STC2: variants seen among roughly 807,000 people sequenced by gnomAD.
STC2 encodes stanniocalcin 2.
STC2 carries 7 observed loss-of-function variants against 22.7 expected under a neutral mutation model. That is an observed-to-expected ratio of 0.31 (90% CI 0.18 to 0.58). The LOEUF (loss-of-function observed/expected upper bound fraction) is 0.58. STC2 is among the 20% of genes least tolerant of loss of function. The probability of loss-of-function intolerance (pLI) is 0.89; values close to 1 mark genes in which losing one functional copy is unlikely to be tolerated. For missense variants in STC2, 336 were observed against 406.2 expected, an observed-to-expected ratio of 0.83 and a Z score of 1.48; for synonymous variants, 158 against 163.4, an observed-to-expected ratio of 0.97 and a Z score of 0.25.
chr5:173,315,423 AAC>A lies in STC2; in HGVS notation c.*2422_*2423del, dbSNP rs1368054824. The A allele has an allele frequency of 1.3e-5, 2 of 152,250 alleles. No homozygotes were observed. Among genetic ancestry groups the A allele is most frequent in the African/African-American group, 4.8e-5 (2 of 41,464 alleles). 9.4% of individuals were successfully genotyped at this position (152,250 alleles called of 1,614,324 possible). A position where few individuals can be genotyped will look rare whatever the true frequency, so the allele number is the denominator to read the frequency against. On this transcript the variant is annotated 3_prime_UTR_variant, in exon 4 of 4. Coordinates refer to ENST00000265087, the MANE Select transcript of STC2 (RefSeq NM_003714.3). ...CAAAGCAGTGGCATGAAAAATATAC[AAC>A]AGAGATCAGTAAATGGGTTCAAATG...
At chr5:173,324,600 T>G (rs897085677) in intron 2 of STC2, among the ~76,000 whole-genome samples, 2 of 152,200 alleles carry the variant, frequency 1.3e-5, no homozygotes, top group Non-Finnish European at 2.9e-5. Context: ...CCAAACAGAA[T>G]GGAGGGCAGG....
chr5:173,328,026 G>A lies in STC2; in HGVS notation c.151+17C>T. The A allele has an allele frequency of 6.8e-7, 1 of 1,471,328 alleles. No individual in the cohort carries two copies. The highest frequency in any genetic ancestry group is 9.0e-7 in the Non-Finnish European group (1 of 1,105,656). The allele number at this position is 1,471,328 out of a possible 1,614,324, so 91.1% of individuals were successfully genotyped here. On this transcript the variant is annotated intron_variant, in intron 1 of 3. Transcript: ENST00000265087. ...CCTCTCCCAGTAGCTCCCGGCTGCG[G>A]GGGCACATGCACTTACCTGTATTCT...
chr5:173,328,007 C>T lies in STC2; in HGVS notation c.151+36G>A, dbSNP rs770742127. 2.1e-6 allele frequency: 3 copies of T among 1,429,538 alleles called. No individual in the cohort carries two copies. The Admixed American group carries it at 7.7e-5, about 37-fold the overall frequency. 88.6% of individuals were successfully genotyped at this position (1,429,538 alleles called of 1,614,324 possible). A position where few individuals can be genotyped will look rare whatever the true frequency, so the allele number is the denominator to read the frequency against. ...CCGCGTGGGTGCACGGTGTCCTCTC[C>T]CAGTAGCTCCCGGCTGCGGGGGCAC... is the stretch of plus-strand genomic sequence containing the variant. On this transcript the variant is annotated intron_variant, in intron 1 of 3. Coordinates refer to ENST00000265087, the MANE Select transcript of STC2 (RefSeq NM_003714.3).
At chr5:173,319,588 G>T (rs1057299913) in intron 3 of STC2, among the ~76,000 whole-genome samples, 59 of 152,264 alleles carry the variant, frequency 3.9e-4, no homozygotes, top group Non-Finnish European at 5.3e-4. Flanking sequence ...TTGCTATGTG[G>T]AAAGAGCAGA....
At chr5:173,318,678 G>A (rs1762454343) in intron 3 of STC2, among the ~76,000 whole-genome samples, 1 of 152,134 alleles carries the variant, frequency 6.6e-6, no homozygotes, top group Non-Finnish European at 1.5e-5. Flanking sequence ...AATGGTGCAG[G>A]GCCTTACATA....
rs571108479 is a variant in STC2 at position 173,315,350 on chromosome 5, G to C, written c.*2497C>G. The stretch of plus-strand genomic sequence containing the variant: ...AATACTGTTGCATGCTTCCAATAAC[G>C]TGAGGGATGGGATAGAAATGCTATC... On this transcript the variant is annotated 3_prime_UTR_variant, in exon 4 of 4. Coordinates refer to ENST00000265087, the MANE Select transcript of STC2 (RefSeq NM_003714.3). 6.6e-6 allele frequency: 1 copy of C among 152,156 alleles called. No individual in the cohort carries two copies. Among genetic ancestry groups the C allele is most frequent in the Admixed American group, 6.5e-5 (1 of 15,274 alleles). The allele number at this position is 152,156 out of a possible 1,614,324, so 9.4% of individuals were successfully genotyped here. A position where few individuals can be genotyped will look rare whatever the true frequency, so the allele number is the denominator to read the frequency against.
chr5:173,318,300 G>GAGAA (rs67125584), intron 3 of STC2, 51 bp from the exon 4 acceptor site: 1 of 1,346,182 alleles, frequency 7.4e-7, no homozygotes, highest in Non-Finnish European at 9.6e-7. Context: ...GAGAGAGAGA[G>GAGAA]GCTGGGAATG....
chr5:173,326,455 C>T (rs1009383930), intron 1 of STC2: 1 of 154,050 alleles, frequency 6.5e-6, no homozygotes, highest in African/African-American at 2.4e-5. Context: ...TATTAAATCA[C>T]AGCCATTTGC....
At chr5:173,318,492 T>C (rs1762452907) in intron 3 of STC2, among the ~76,000 whole-genome samples, 2 of 152,094 alleles carry the variant, frequency 1.3e-5, no homozygotes, top group African/African-American at 4.8e-5. Context: ...GGCTCACAGG[T>C]GCATAGGGTA....
rs1165223555 is a variant in STC2, at chr5:173,317,558, C to T, written c.*289G>A. 7 of 236,410 alleles carry T rather than the reference C, an allele frequency of 3.0e-5. No homozygotes were observed. In the Middle Eastern group the frequency reaches 4.9e-3, roughly 166 times the overall value. The allele number at this position is 236,410 out of a possible 1,614,324, so 14.6% of individuals were successfully genotyped here. On this transcript the variant is annotated 3_prime_UTR_variant, in exon 4 of 4. Coordinates refer to ENST00000265087, the MANE Select transcript of STC2 (RefSeq NM_003714.3). ...ACCTCCCCCACAACAGAGCGGCCGA[C>T]ACCCACTGACTCCACAGATGGAAAG...
intron 1 of STC2, among the ~76,000 whole-genome samples, chr5:173,327,463 G>A (rs988666749): frequency 3.3e-5 from 5 of 152,246 alleles, no homozygotes; most frequent in Admixed American, 3.3e-4. Context: ...TGGGGATGGC[G>A]GCAGCACCGC....
At position 173,321,789 on chromosome 5, in the gene STC2, G is replaced by A. The variant is rs112092229; in HGVS notation, c.506+1430C>T. ...AACCCATGTAAAGGCCCTGGCCAAG[G>A]GCCTAGACCATTAGAAAAAAAATTA... On this transcript the variant is annotated intron_variant, in intron 3 of 3. Coordinates refer to ENST00000265087, the MANE Select transcript of STC2 (RefSeq NM_003714.3). 4.9e-3 allele frequency among the ~76,000 whole-genome samples: 748 copies of A among 152,006 alleles called. 6 individuals carry two copies. The highest frequency in any genetic ancestry group is 5.1e-3 in the Non-Finnish European group (344 of 67,998).
Position 173,317,015 on chromosome 5 carries a change from G to A in STC2, c.*832C>T, listed in dbSNP as rs929493417. ...AAAAATCAGCCTCAAAGGATGGGCT[G>A]GTTTTTTTTTTTTAAACCCCCTTTG... On this transcript the variant is annotated 3_prime_UTR_variant, in exon 4 of 4. Coordinates refer to ENST00000265087, the MANE Select transcript of STC2 (RefSeq NM_003714.3). The A allele has an allele frequency of 6.6e-6, 1 of 151,080 alleles. No homozygotes were observed. The highest frequency in any genetic ancestry group is 2.5e-5 in the African/African-American group (1 of 40,774). 9.4% of individuals were successfully genotyped at this position (151,080 alleles called of 1,614,324 possible). A position where few individuals can be genotyped will look rare whatever the true frequency, so the allele number is the denominator to read the frequency against.
Position 173,318,118 on chromosome 5 carries a change from G to A in STC2, c.638C>T (p.Ser213Leu), listed in dbSNP as rs1554096960. ...CGCCGTGGGAGGCTTCTGGATGGCC[G>A]AGGTGCAGAAGCTCAAGATGGAGCA... ...SLCSILSFCT[S>L]AIQKPPTAPP... is the part of the protein sequence containing the mutation. The change falls in exon 4 of 4, where the codon TCG (serine) becomes TTG (leucine). Residue 213 changes from serine to leucine, a missense_variant. By Grantham distance (145) the Ser-to-Leu change is moderately radical. Transcript: ENST00000265087. 2 of 1,610,442 alleles carry A rather than the reference G, an allele frequency of 1.2e-6. No individual in the cohort carries two copies. The highest frequency in any genetic ancestry group is 1.7e-6 in the Non-Finnish European group (2 of 1,178,670).
chr5:173,326,040 C>T, intron 1 of STC2, 30 bp from the exon 2 acceptor site: 1 of 1,612,086 alleles, frequency 6.2e-7, no homozygotes, highest in Non-Finnish European at 8.5e-7. Flanking sequence ...CAAATATATA[C>T]AAAACTCTAA....
intron 1 of STC2, chr5:173,326,820 G>C (rs961968302): frequency 6.6e-6 from 1 of 152,220 alleles, no homozygotes; most frequent in African/African-American, 2.4e-5. Context: ...TAACTGTCAG[G>C]CTGCAGCGTG....
Position 173,324,549 on chromosome 5 carries a change from G to A in STC2, c.295-1119C>T, listed in dbSNP as rs1439745709. ...TCTGAAAAACCATGTGGCCCGCATGGCCTCCCCGTGGCCCCCTCTCTTTTG... is the reference window on the plus strand; with the variant it reads ...TCTGAAAAACCATGTGGCCCGCATGACCTCCCCGTGGCCCCCTCTCTTTTG... On this transcript the variant is annotated intron_variant, in intron 2 of 3. Transcript: ENST00000265087. Among the ~76,000 whole-genome samples the A allele has an allele frequency of 2.0e-5, 3 of 152,228 alleles. 1 individual carries two copies. Among genetic ancestry groups the A allele is most frequent in the South Asian group, 4.1e-4 (2 of 4,836 alleles).
intron 3 of STC2, among the ~76,000 whole-genome samples, chr5:173,321,007 A>C (rs1395637292): frequency 6.6e-6 from 1 of 151,960 alleles, no homozygotes; most frequent in Non-Finnish European, 1.5e-5. Context: ...GGGAAGCTGG[A>C]GTTAGGGGAG....
Position 173,325,747 on chromosome 5 carries a change from G to A in STC2, c.294+121C>T. ...ATGTTTTATACCTAGACTGTCGCTTGCAAGCACTAAAACACACCACAAGGA... is the reference window on the plus strand; with the variant it reads ...ATGTTTTATACCTAGACTGTCGCTTACAAGCACTAAAACACACCACAAGGA... On this transcript the variant is annotated intron_variant, in intron 2 of 3. Coordinates refer to ENST00000265087, the MANE Select transcript of STC2 (RefSeq NM_003714.3). The surrounding 1 kb of genome is among the most constrained non-coding windows in gnomAD (Gnocchi z 4.7). 2 of 1,364,404 alleles carry A rather than the reference G, an allele frequency of 1.5e-6. No individual in the cohort carries two copies. The highest frequency in any genetic ancestry group is 1.4e-5 in the African/African-American group (1 of 69,846). 84.5% of individuals were successfully genotyped at this position (1,364,404 alleles called of 1,614,324 possible).
Sources: gnomAD v4.1 joint callset for allele counts (sites outside exome capture counted in the v4.1 genomes callset) on GRCh38, gnomAD v4.1.1 for gene constraint, Gnocchi (gnomAD v3.1) non-coding constraint, MANE v1.5 for transcripts, NCBI Gene and HGNC (gene_info 2026-07-23, HGNC 2026-07-21) for gene names.